The following TCF12 variants were observed in gnomAD, a reference collection of about 807,000 sequenced individuals.
The protein encoded by TCF12 is DNA-binding protein HTF4.
Under a neutral mutation model 86.0 loss-of-function variants are expected in TCF12, and 45 were observed. The ratio of observed to expected loss-of-function variants is 0.52; its 90% CI spans 0.41 to 0.67. TCF12 has a LOEUF of 0.67. Ranked by LOEUF, TCF12 falls within the 30% of genes least tolerant of loss-of-function variation. The pLI is 0.00. For missense variants in TCF12, 881 were observed against 859.9 expected (o/e 1.02, Z -0.31); for synonymous variants, 330 against 299.6 (o/e 1.10, Z -1.05).
At chr15:57,169,795 T>TA (rs2055177848) in intron 6 of TCF12, among the ~76,000 whole-genome samples, 1 of 152,192 alleles carries the variant, frequency 6.6e-6, no homozygotes, top group Admixed American at 6.5e-5. Context: ...TGTTTTCACT[T>TA]ACGTATTTAT....
chr15:57,139,849 TTACAG>T (rs1408686191), intron 5 of TCF12, among the ~76,000 whole-genome samples: 3 of 152,198 alleles, frequency 2.0e-5, no homozygotes, highest in African/African-American at 7.2e-5. Flanking sequence ...GATCTGGAAA[TTACAG>T]TAAGCCAGAA....
intron 12 of TCF12, among the ~76,000 whole-genome samples, chr15:57,238,361 T>C (rs1170516894): frequency 6.6e-6 from 1 of 152,180 alleles, no homozygotes; most frequent in Non-Finnish European, 1.5e-5. Flanking sequence ...TTAGGGATTG[T>C]TTAAGTGTAA....
intron 7 of TCF12, among the ~76,000 whole-genome samples, chr15:57,196,655 T>C (rs189663316): frequency 1.4e-4 from 21 of 152,338 alleles, no homozygotes; most frequent in Non-Finnish European, 2.8e-4. Context: ...TACATATAAG[T>C]AAAATTAACT....
chr15:57,251,147 T>C (rs1321370299), intron 13 of TCF12: 2 of 454,228 alleles, frequency 4.4e-6, no homozygotes, highest in African/African-American at 4.1e-5. Context: ...TTTTCTGTTT[T>C]CTCAGCACCC....
intron 3 of TCF12, among the ~76,000 whole-genome samples, chr15:57,015,466 C>T (rs893308966): frequency 6.6e-6 from 1 of 152,174 alleles, no homozygotes; most frequent in Admixed American, 6.6e-5. Flanking sequence ...GTCTTGCCCA[C>T]CCCCATTTTT....
At chr15:57,085,767 A>G (rs1363353950) in intron 4 of TCF12, among the ~76,000 whole-genome samples, 1 of 152,180 alleles carries the variant, frequency 6.6e-6, no homozygotes, top group African/African-American at 2.4e-5. Context: ...TTCACTTTGA[A>G]GCATAAACAC....
At chr15:56,991,768 A>C (rs1300316255) in intron 3 of TCF12, among the ~76,000 whole-genome samples, 8 of 151,726 alleles carry the variant, frequency 5.3e-5, no homozygotes, top group Non-Finnish European at 1.0e-4. Flanking sequence ...TCAGAACTAC[A>C]AAGTTAAATC....
chr15:57,135,654 T>C (rs1159070887), intron 5 of TCF12, among the ~76,000 whole-genome samples: 2 of 152,214 alleles, frequency 1.3e-5, no homozygotes, highest in African/African-American at 4.8e-5. Context: ...TAAAAAAGTA[T>C]CCAGTTTTTC....
At chr15:56,952,384 A>G (rs548556584) in intron 3 of TCF12, among the ~76,000 whole-genome samples, 1 of 146,858 alleles carries the variant, frequency 6.8e-6, no homozygotes, top group Non-Finnish European at 1.5e-5. Context: ...GGTCCTCTGC[A>G]TTTTCATATA....
chr15:56,954,714 C>T (rs2061426448), intron 3 of TCF12, among the ~76,000 whole-genome samples: 1 of 152,148 alleles, frequency 6.6e-6, no homozygotes, highest in Non-Finnish European at 1.5e-5. Flanking sequence ...GGAACTCAAA[C>T]AAATTTACAA....
chr15:56,921,121 A>C (rs1567105729), intron 3 of TCF12, 23 bp downstream of exon 3: 1 of 1,572,786 alleles, frequency 6.4e-7, no homozygotes, highest in Non-Finnish European at 8.6e-7. Context: ...CTTAAACTAA[A>C]GACTCATATT....
intron 3 of TCF12, among the ~76,000 whole-genome samples, chr15:56,964,259 T>C (rs931565141): frequency 3.9e-5 from 6 of 152,242 alleles, no homozygotes; most frequent in Admixed American, 6.5e-5. Flanking sequence ...CATTCTGATA[T>C]GAGTTGCTTC....
intron 5 of TCF12, among the ~76,000 whole-genome samples, chr15:57,151,141 A>ATTT (rs756072811): frequency 6.3e-4 from 81 of 128,140 alleles, no homozygotes; most frequent in African/African-American, 2.1e-3. Context: ...TGCCTGGCCA[A>ATTT]TTTTTTTTTT....
intron 3 of TCF12, among the ~76,000 whole-genome samples, chr15:56,984,556 TG>T (rs2063086514): frequency 6.6e-6 from 1 of 152,060 alleles, no homozygotes; most frequent in Admixed American, 6.6e-5. Context: ...TACAAAATAA[TG>T]GTAAAAAAAA....
chr15:57,276,033 A>G (rs867410797), intron 19 of TCF12, among the ~76,000 whole-genome samples: 17 of 152,208 alleles, frequency 1.1e-4, no homozygotes, highest in Admixed American at 9.8e-4. Flanking sequence ...AAAACAAATG[A>G]CCTTCAAGTT....
rs2062028874 is a variant in TCF12 at position 57,289,307 on chromosome 15, A to T, written c.*3162A>T. 6.6e-6 allele frequency: 1 copy of T among 152,226 alleles called. No individual in the cohort carries two copies. Among genetic ancestry groups the T allele is most frequent in the Admixed American group, 6.5e-5 (1 of 15,290 alleles). The allele number at this position is 152,226 out of a possible 1,614,324, so 9.4% of individuals were successfully genotyped here. On this transcript the variant is annotated 3_prime_UTR_variant, in exon 21 of 21. Coordinates refer to ENST00000333725, the MANE Select transcript of TCF12 (RefSeq NM_207037.2). ...AAAAAGCTCTAAGAAGAAAATGTAT[A>T]ATCTTAGAGCTGAAATAAAATATAG...
At chr15:57,198,614 ATC>A (rs1473422102) in intron 8 of TCF12, among the ~76,000 whole-genome samples, 3 of 152,118 alleles carry the variant, frequency 2.0e-5, no homozygotes, top group African/African-American at 7.2e-5. Flanking sequence ...CAATTTTTAA[ATC>A]TCTGGTGCAA....
At chr15:56,968,182 C>T (rs1201397686) in intron 3 of TCF12, among the ~76,000 whole-genome samples, 3 of 152,128 alleles carry the variant, frequency 2.0e-5, no homozygotes, top group Non-Finnish European at 4.4e-5. Flanking sequence ...GTCTCGAACT[C>T]CTGACCTCAG....
intron 3 of TCF12, among the ~76,000 whole-genome samples, chr15:56,978,760 A>G (rs1347252544): frequency 6.6e-6 from 1 of 152,186 alleles, no homozygotes; most frequent in East Asian, 1.9e-4. Context: ...AGTGGGGCCT[A>G]CTATCCCTTA....
Sources: gnomAD v4.1 joint callset for allele counts (sites outside exome capture counted in the v4.1 genomes callset) on GRCh38, gnomAD v4.1.1 for gene constraint, MANE v1.5 for transcripts, NCBI Gene and HGNC (gene_info 2026-07-23, HGNC 2026-07-21) for gene names.